The following AGO2 variants were observed in gnomAD, a reference collection of about 807,000 sequenced individuals.
The protein encoded by AGO2 is protein argonaute-2.
Under a neutral mutation model 102.3 loss-of-function variants are expected in AGO2, and 5 were observed. That is an observed-to-expected ratio of 0.05 (90% confidence interval 0.03 to 0.10). AGO2 has a LOEUF of 0.10. Ranked by LOEUF, AGO2 falls within the 10% of genes least tolerant of loss-of-function variation. AGO2 has a pLI of 1.00. For missense variants in AGO2, 541 were observed against 1,183.7 expected, an observed-to-expected ratio of 0.46 and a Z score of 7.97; for synonymous variants, 449 against 473.1, an observed-to-expected ratio of 0.95 and a Z score of 0.66.
At chr8:140,536,429 C>T (rs537335978) in intron 16 of AGO2, among the ~76,000 whole-genome samples, 5 of 151,740 alleles carry the variant, frequency 3.3e-5, no homozygotes, top group African/African-American at 1.2e-4. Flanking sequence ...CAGGTTCAAG[C>T]GATTCTCCTG....
intron 2 of AGO2, among the ~76,000 whole-genome samples, chr8:140,575,991 TA>T (rs989879225): frequency 6.6e-6 from 1 of 151,696 alleles, no homozygotes; most frequent in East Asian, 1.9e-4. Context: ...ACCCATCTCT[TA>T]AAAAAAAGAG....
At chr8:140,536,951 T>C (rs1204031296) in intron 16 of AGO2, among the ~76,000 whole-genome samples, 1 of 152,264 alleles carries the variant, frequency 6.6e-6, no homozygotes, top group African/African-American at 2.4e-5. Flanking sequence ...CAAATTCATC[T>C]GAATCTACAG....
At chr8:140,618,627 G>A (rs945462520) in intron 1 of AGO2, among the ~76,000 whole-genome samples, 1 of 152,136 alleles carries the variant, frequency 6.6e-6, no homozygotes, top group Non-Finnish European at 1.5e-5. Flanking sequence ...GTATAGAAAT[G>A]TGTGAGCCTG....
rs1024560964 is a variant in AGO2 at position 140,539,264 on chromosome 8, G to C, written c.2169+56C>G. The C allele has an allele frequency of 1.9e-6, 3 of 1,548,682 alleles. No homozygotes were observed. The African/African-American group carries it at 4.1e-5, about 21-fold the overall frequency. ...CAGGTTCTCTTGTGAGTGTGCTCGG[G>C]GTGTGGGGCTGAGGGGAGAACCGTG... On this transcript the variant is annotated intron_variant, in intron 16 of 18. Transcript: ENST00000220592. The surrounding 1 kb of genome is among the most constrained non-coding windows in gnomAD (Gnocchi z 4.7).
rs2292779 is a variant in AGO2 at position 140,551,294 on chromosome 8, G to C, written c.1403+9C>G. 837,555 of 1,513,356 alleles carry C rather than the reference G, an allele frequency of 0.55. 237,217 individuals are homozygous for C. Among genetic ancestry groups the C allele is most frequent in the African/African-American group, 0.87 (62,157 of 71,834 alleles). The allele number at this position is 1,513,356 out of a possible 1,614,324, so 93.7% of individuals were successfully genotyped here. ...CCCAGGCCGGAGCCTCTGCCTGTGG[G>C]GGGCTTACTTCAGATGGACTTCCGT... On this transcript the variant is annotated intron_variant, in intron 11 of 18. Coordinates refer to ENST00000220592, the MANE Select transcript of AGO2 (RefSeq NM_012154.5).
chr8:140,614,622 C>T (rs1347139042), intron 1 of AGO2, among the ~76,000 whole-genome samples: 3 of 152,336 alleles, frequency 2.0e-5, no homozygotes, highest in Middle Eastern at 3.4e-3. Flanking sequence ...GGCGTCCTTC[C>T]GGGCCTGGGG....
chr8:140,565,449 A>C (rs1206726905), intron 3 of AGO2, among the ~76,000 whole-genome samples: 1 of 150,248 alleles, frequency 6.7e-6, no homozygotes, highest in Non-Finnish European at 1.5e-5. Flanking sequence ...AAAAAAAAAA[A>C]AAAACCCAAA....
intron 1 of AGO2, among the ~76,000 whole-genome samples, chr8:140,605,444 A>C (rs534622594): frequency 6.6e-6 from 1 of 152,222 alleles, no homozygotes; most frequent in Non-Finnish European, 1.5e-5. Context: ...AAATGAAGGA[A>C]TGACCAAAGT....
intron 10 of AGO2, among the ~76,000 whole-genome samples, chr8:140,552,731 C>T (rs542124422): frequency 8.9e-4 from 109 of 122,382 alleles, no homozygotes; most frequent in African/African-American, 3.3e-3. Context: ...CACATGCACG[C>T]GCGCGCGCGC....
At chr8:140,561,320 C>T (rs1464762567) in intron 4 of AGO2, among the ~76,000 whole-genome samples, 7 of 152,242 alleles carry the variant, frequency 4.6e-5, no homozygotes, top group Non-Finnish European at 8.8e-5. Flanking sequence ...CTACACGGCC[C>T]TTTCACTTTC....
intron 1 of AGO2, among the ~76,000 whole-genome samples, chr8:140,600,668 G>A (rs1200340644): frequency 3.4e-5 from 5 of 146,178 alleles, no homozygotes; most frequent in African/African-American, 1.1e-4. Flanking sequence ...CAACAAGAGC[G>A]AAACTCCGTG....
upstream of AGO2, chr8:140,637,279 A>G (rs1329679102): frequency 3.9e-5 from 6 of 151,948 alleles, no homozygotes; most frequent in Non-Finnish European, 4.4e-5. Context: ...GCAGATGCCC[A>G]CCCTCTCTCT....
intron 10 of AGO2, among the ~76,000 whole-genome samples, chr8:140,554,042 A>G (rs191584665): frequency 3.3e-5 from 5 of 152,330 alleles, no homozygotes; most frequent in Admixed American, 3.3e-4. Flanking sequence ...GATTTTTGCA[A>G]CGTTGGCTTA....
At chr8:140,544,160 C>T in intron 14 of AGO2, 53 bp downstream of exon 14, 4 of 1,507,678 alleles carry the variant, frequency 2.7e-6, no homozygotes. Context: ...GGGACTTCGA[C>T]AGCGTCCTGC....
At chr8:140,544,911 G>C (rs2072872436) in intron 13 of AGO2, among the ~76,000 whole-genome samples, 1 of 152,170 alleles carries the variant, frequency 6.6e-6, no homozygotes, top group South Asian at 2.1e-4. Flanking sequence ...GGCAAGGACA[G>C]GCATGTGGGC....
chr8:140,597,660 G>C (rs1229597843), intron 1 of AGO2, among the ~76,000 whole-genome samples: 1 of 150,384 alleles, frequency 6.6e-6, no homozygotes, highest in Non-Finnish European at 1.5e-5. Context: ...TACAGGATTA[G>C]CTTCTGAGGC....
intron 16 of AGO2, among the ~76,000 whole-genome samples, chr8:140,537,226 C>A (rs2072713802): frequency 6.6e-6 from 1 of 152,124 alleles, no homozygotes; most frequent in Admixed American, 6.5e-5. Context: ...TTTTATAACC[C>A]TTCCGTGTGA....
rs1475264379 is a variant in AGO2, at chr8:140,535,479, C to A, written c.2260G>T (p.Ala754Ser). 1.2e-6 allele frequency: 2 copies of A among 1,614,178 alleles called. No homozygotes were observed. The highest frequency in any genetic ancestry group is 1.7e-5 in the Admixed American group (1 of 60,026). The change falls in exon 17 of 19, where the codon GCT becomes TCT. Residue 754 changes from alanine to serine, a missense_variant. By Grantham distance (99) the Ala-to-Ser change is moderately conservative (BLOSUM62 1). Around this residue, in one of 6 missense-constraint regions of AGO2, gnomAD observed 309 missense variants for 735.1 expected, o/e 0.42. Transcript: ENST00000220592. The part of the protein sequence containing the change: ...TEFDFYLCSH[A>S]GIQGTSRPSH... ...ACTCCCGGCCTTACCTGGATGCCAG[C>A]GTGACTACACAGGTAGAAGTCGAAC...
At position 140,541,429 on chromosome 8, in the gene AGO2, C is replaced by CT. The variant is rs1405086268; in HGVS notation, c.1840-72dup. ...CCTTTCCTGGGCATGTGCCTGGACT[C>CT]TCGGGAAGATGGGGACGAGAAGTGT... On this transcript the variant is annotated intron_variant, in intron 14 of 18. Coordinates refer to ENST00000220592, the MANE Select transcript of AGO2 (RefSeq NM_012154.5). 3.6e-6 allele frequency: 5 copies of CT among 1,399,156 alleles called. No homozygotes were observed. The African/African-American group carries it at 7.1e-5, about 20-fold the overall frequency. 86.7% of individuals were successfully genotyped at this position (1,399,156 alleles called of 1,614,324 possible). A position where few individuals can be genotyped will look rare whatever the true frequency, so the allele number is the denominator to read the frequency against.
Sources: gnomAD v4.1 joint callset for allele counts (sites outside exome capture counted in the v4.1 genomes callset) on GRCh38, gnomAD v4.1.1 for gene constraint, gnomAD v4.1.1 regional missense constraint, Gnocchi (gnomAD v3.1) non-coding constraint, MANE v1.5 for transcripts, NCBI Gene and HGNC (gene_info 2026-07-23, HGNC 2026-07-21) for gene names.